STK32B: variants seen among roughly 807,000 people sequenced by gnomAD.
The protein encoded by STK32B is serine/threonine-protein kinase 32B.
A neutral mutation model predicts 52.6 loss-of-function variants in STK32B; 43 were observed. The ratio of observed to expected loss-of-function variants is 0.82; its 90% CI spans 0.64 to 1.05. STK32B has a LOEUF of 1.05. Among genes scored for constraint, STK32B ranks in the 50% least tolerant of loss-of-function variants. The pLI is 0.00. For synonymous variants in STK32B, 238 were observed against 204.3 expected, an observed-to-expected ratio of 1.17 and a Z score of -1.41; for missense variants, 621 against 534.6, an observed-to-expected ratio of 1.16 and a Z score of -1.59.
intron 4 of STK32B, among the ~76,000 whole-genome samples, chr4:5,340,098 A>G (rs994807599): frequency 6.6e-6 from 1 of 152,264 alleles, no homozygotes; most frequent in Non-Finnish European, 1.5e-5. Flanking sequence ...TTGACTTTTC[A>G]TAGCATTTGA....
chr4:5,115,218 T>A (rs1377118858), intron 1 of STK32B, among the ~76,000 whole-genome samples: 1 of 152,156 alleles, frequency 6.6e-6, no homozygotes, highest in Non-Finnish European at 1.5e-5. Flanking sequence ...TGGGAGGAAC[T>A]CATTCTCCAA....
Position 5,069,386 on chromosome 4 carries a change from G to A in STK32B, c.52+17471G>A, listed in dbSNP as rs566907858. Among the ~76,000 whole-genome samples, 13 of 152,116 alleles carry A rather than the reference G, an allele frequency of 8.5e-5. No individual in the cohort carries two copies. In the South Asian group the frequency reaches 2.7e-3, roughly 32 times the overall value. On this transcript the variant is annotated intron_variant, in intron 1 of 11. Transcript: ENST00000282908. ...TCTTTTAGGCAGCTCTCTAAACTAC[G>A]TTCCACCTTCCAGCCCAGCTTAGAG...
At chr4:5,242,663 C>T (rs1185954446) in intron 3 of STK32B, among the ~76,000 whole-genome samples, 1 of 152,114 alleles carries the variant, frequency 6.6e-6, no homozygotes, top group Non-Finnish European at 1.5e-5. Context: ...ATGCCTATGT[C>T]CTGAATGGTA....
At chr4:5,135,859 A>C (rs1211558033) in intron 1 of STK32B, among the ~76,000 whole-genome samples, 2 of 152,226 alleles carry the variant, frequency 1.3e-5, no homozygotes, top group African/African-American at 4.8e-5. Flanking sequence ...CTCATTGATT[A>C]GATCTGGATC....
intron 1 of STK32B, among the ~76,000 whole-genome samples, chr4:5,116,020 C>G (rs902880445): frequency 1.2e-4 from 18 of 152,176 alleles, no homozygotes; most frequent in African/African-American, 4.1e-4. Context: ...TTCTCTCCCT[C>G]CCTGGCTTTC....
intron 3 of STK32B, among the ~76,000 whole-genome samples, chr4:5,286,989 G>C (rs1045561870): frequency 6.6e-6 from 1 of 151,826 alleles, no homozygotes; most frequent in Non-Finnish European, 1.5e-5. Flanking sequence ...GTAGAGACAG[G>C]GTTTCACCAT....
rs739968 is a variant in STK32B at position 5,394,240 on chromosome 4, G to A, written c.435-3967G>A. Among the ~76,000 whole-genome samples, 22,376 of 152,040 alleles carry A rather than the reference G, an allele frequency of 0.15. 2,014 individuals are homozygous for A. The highest frequency in any genetic ancestry group is 0.25 in the Admixed American group (3,808 of 15,262). Reference sequence around the variant, plus strand: ...CACCGGGTTTTATAGCCCTGCATGCGTACTTTCCATCAAAGTGTCATTTTG... The same window carrying A: ...CACCGGGTTTTATAGCCCTGCATGCATACTTTCCATCAAAGTGTCATTTTG... On this transcript the variant is annotated intron_variant, in intron 4 of 11. Coordinates refer to ENST00000282908, the MANE Select transcript of STK32B (RefSeq NM_018401.3). This position sits in a 1 kb window ranked among gnomAD's most constrained non-coding sequence, Gnocchi z 4.2.
At chr4:5,311,004 G>A (rs951871144) in intron 3 of STK32B, among the ~76,000 whole-genome samples, 3 of 152,156 alleles carry the variant, frequency 2.0e-5, no homozygotes, top group Non-Finnish European at 4.4e-5. Context: ...TCTCATAGAA[G>A]TAGAGAGTAA....
At chr4:5,120,140 T>C (rs1392924629) in intron 1 of STK32B, among the ~76,000 whole-genome samples, 6 of 152,326 alleles carry the variant, frequency 3.9e-5, no homozygotes, top group Non-Finnish European at 2.9e-5. Context: ...GTCCAGTGGA[T>C]CCACGCTATA....
chr4:5,456,848 C>T lies in STK32B; in HGVS notation c.708C>T (p.Ile236=). The T allele has an allele frequency of 6.3e-7, 1 of 1,598,924 alleles. No individual in the cohort carries two copies. Among genetic ancestry groups the T allele is most frequent in the Non-Finnish European group, 8.5e-7 (1 of 1,170,994 alleles). ...EIHSVTPIDE[I]LNMFKVERVH... ...ACTCGGTCACGCCCATCGATGAAAT[C>T]CTCAACATGTTCAAGGTGGAGCGTG... The change falls in exon 8 of 12, where the codon ATC becomes ATT. Residue 236 remains isoleucine, a synonymous_variant. Transcript: ENST00000282908.
chr4:5,209,195 A>G (rs1047467762), intron 3 of STK32B, among the ~76,000 whole-genome samples: 2 of 152,154 alleles, frequency 1.3e-5, no homozygotes, highest in Non-Finnish European at 2.9e-5. Flanking sequence ...CGGAAGACTT[A>G]TGTGTCAGGA....
chr4:5,136,444 G>C (rs750935312), intron 1 of STK32B, among the ~76,000 whole-genome samples: 6 of 152,142 alleles, frequency 3.9e-5, no homozygotes, highest in Non-Finnish European at 7.4e-5. Flanking sequence ...CCTCCAATCC[G>C]ATCACTCTGC....
chr4:5,140,908 A>G (rs933529764), intron 2 of STK32B, among the ~76,000 whole-genome samples: 1 of 152,232 alleles, frequency 6.6e-6, no homozygotes, highest in African/African-American at 2.4e-5. Context: ...TATTTAAAAA[A>G]TGAGAGAGAT....
chr4:5,379,084 A>G (rs545095177), intron 4 of STK32B, among the ~76,000 whole-genome samples: 2 of 152,236 alleles, frequency 1.3e-5, no homozygotes, highest in Non-Finnish European at 2.9e-5. Flanking sequence ...TTAGCCCTGA[A>G]TGAGGCTGCC....
chr4:5,445,999 G>T (rs566261210), intron 6 of STK32B, among the ~76,000 whole-genome samples: 1 of 152,254 alleles, frequency 6.6e-6, no homozygotes, highest in African/African-American at 2.4e-5. Context: ...ACCCCCTGGG[G>T]GTTCTGTTCC....
At chr4:5,196,304 C>T (rs1029346078) in intron 3 of STK32B, among the ~76,000 whole-genome samples, 3 of 148,926 alleles carry the variant, frequency 2.0e-5, no homozygotes, top group Non-Finnish European at 3.0e-5. Flanking sequence ...TTCCTTTTCC[C>T]TCTCTTTCCT....
Position 5,400,059 on chromosome 4 carries a change from A to C in STK32B, c.472+1815A>C, listed in dbSNP as rs939679079. ...CCCTGCAAAGCGGTCCAGAAGCAAA[A>C]TTCAGACAGAAACATCAATAGCAAT... On this transcript the variant is annotated intron_variant, in intron 5 of 11. Transcript: ENST00000282908. This position sits in a 1 kb window ranked among gnomAD's most constrained non-coding sequence, Gnocchi z 6.1. Among the ~76,000 whole-genome samples, 2 of 152,126 alleles carry C rather than the reference A, an allele frequency of 1.3e-5. No individual in the cohort carries two copies. The highest frequency in any genetic ancestry group is 2.9e-5 in the Non-Finnish European group (2 of 68,014).
At chr4:5,305,813 T>A (rs945055942) in intron 3 of STK32B, among the ~76,000 whole-genome samples, 1 of 152,174 alleles carries the variant, frequency 6.6e-6, no homozygotes, top group African/African-American at 2.4e-5. Flanking sequence ...ACTGGTGCTC[T>A]TTCAGACTTT....
chr4:5,145,262 C>G (rs1489233244), intron 2 of STK32B, among the ~76,000 whole-genome samples: 2 of 152,200 alleles, frequency 1.3e-5, no homozygotes, highest in Admixed American at 1.3e-4. Context: ...ACACATCAAT[C>G]CATCTTATTT....
Sources: allele counts gnomAD v4.1 joint callset (sites outside exome capture counted in the v4.1 genomes callset), GRCh38; gene constraint gnomAD v4.1.1; non-coding constraint Gnocchi (gnomAD v3.1); transcripts MANE v1.5; gene names NCBI Gene and HGNC (gene_info 2026-07-23, HGNC 2026-07-21).